The following USH2A variants were observed in gnomAD, a reference collection of about 807,000 sequenced individuals.
USH2A encodes the protein Usher syndrome 2A (autosomal recessive, mild).
A neutral mutation model predicts 538.9 loss-of-function variants in USH2A; 443 were observed. That is an observed-to-expected ratio of 0.82 (90% CI 0.76 to 0.89). The LOEUF is 0.89. USH2A is among the 40% of genes least tolerant of loss of function. The pLI is 0.00. For missense variants in USH2A, 6,633 were observed against 6,324.8 expected, an observed-to-expected ratio of 1.05 and a Z score of -1.65; for synonymous variants, 2,413 against 2,273.5, an observed-to-expected ratio of 1.06 and a Z score of -1.75.
intron 21 of USH2A, among the ~76,000 whole-genome samples, chr1:216,132,282 C>T (rs1050407037): frequency 1.3e-5 from 2 of 151,964 alleles, no homozygotes; most frequent in African/African-American, 4.8e-5. Flanking sequence ...CTTTTGCTTG[C>T]CTATACTTAT....
chr1:215,862,599 G>A (rs1664349587), intron 44 of USH2A, among the ~76,000 whole-genome samples: 1 of 152,114 alleles, frequency 6.6e-6, no homozygotes, highest in Non-Finnish European at 1.5e-5. Flanking sequence ...GAATAGTCTT[G>A]CAAAATCAAC....
rs189123408 is a variant in USH2A at position 216,259,196 on chromosome 1, G to C, written c.1972-8098C>G. ...AGAATTTGGATGGAGATTAGCAGAG[G>C]TGAAATGCACACTGCGATGTTTAGA... On this transcript the variant is annotated intron_variant, in intron 11 of 71. Transcript: ENST00000307340. 4.9e-4 allele frequency among the ~76,000 whole-genome samples: 75 copies of C among 152,190 alleles called. 1 individual carries two copies. The highest frequency in any genetic ancestry group is 1.6e-3 in the Admixed American group (24 of 15,270).
intron 21 of USH2A, among the ~76,000 whole-genome samples, chr1:216,159,524 C>G (rs937988451): frequency 3.8e-5 from 5 of 133,328 alleles, no homozygotes; most frequent in Middle Eastern, 3.8e-3. Context: ...CATGATATAA[C>G]ATTTTATTTA....
At chr1:215,686,373 A>G (rs762906322) in intron 61 of USH2A, among the ~76,000 whole-genome samples, 5 of 152,074 alleles carry the variant, frequency 3.3e-5, no homozygotes, top group Admixed American at 6.6e-5. Context: ...CAGGTCAGGA[A>G]AGATGTAGAA....
intron 4 of USH2A, among the ~76,000 whole-genome samples, chr1:216,360,505 G>A (rs2038471592): frequency 1.3e-5 from 2 of 152,004 alleles, no homozygotes; most frequent in African/African-American, 4.8e-5. Flanking sequence ...AACACCAAGA[G>A]TGAACTTTAA....
chr1:215,982,383 T>C lies in USH2A; in HGVS notation c.6805+10637A>G, dbSNP rs75808022. ...TTTACTTGCTATAGGAAGCTCACCT[T>C]AGACTATCTCCTCCAATTCTGACCT... On this transcript the variant is annotated intron_variant, in intron 35 of 71. Coordinates refer to ENST00000307340, the MANE Select transcript of USH2A (RefSeq NM_206933.4). 7.7e-4 allele frequency among the ~76,000 whole-genome samples: 117 copies of C among 152,342 alleles called. 1 individual carries two copies. The East Asian group carries it at 0.022, about 29-fold the overall frequency.
At chr1:216,196,141 T>C (rs1050885284) in intron 19 of USH2A, among the ~76,000 whole-genome samples, 2 of 152,164 alleles carry the variant, frequency 1.3e-5, no homozygotes, top group Admixed American at 6.5e-5. Context: ...ATATGAAATG[T>C]ACATATAAGA....
chr1:215,890,007 T>C (rs1665168769), intron 40 of USH2A, among the ~76,000 whole-genome samples: 1 of 152,168 alleles, frequency 6.6e-6, no homozygotes, highest in East Asian at 1.9e-4. Flanking sequence ...AGGTGCTTTT[T>C]ATTATATTGA....
At chr1:215,896,723 T>A (rs1211476427) in intron 40 of USH2A, among the ~76,000 whole-genome samples, 1 of 152,140 alleles carries the variant, frequency 6.6e-6, no homozygotes, top group Non-Finnish European at 1.5e-5. Flanking sequence ...ATATCAACAT[T>A]TTCAGCTGCT....
intron 46 of USH2A, among the ~76,000 whole-genome samples, chr1:215,838,371 T>TAATG (rs1663587708): frequency 6.6e-6 from 1 of 152,180 alleles, no homozygotes; most frequent in South Asian, 2.1e-4. Context: ...AAGAGAAAGA[T>TAATG]ACATTAATCT....
intron 48 of USH2A, among the ~76,000 whole-genome samples, chr1:215,816,623 T>C (rs1207955656): frequency 6.6e-6 from 1 of 152,068 alleles, no homozygotes; most frequent in African/African-American, 2.4e-5. Flanking sequence ...ATGACTATAA[T>C]GCTAAAATAT....
At chr1:216,333,119 C>T (rs2037901719) in intron 4 of USH2A, among the ~76,000 whole-genome samples, 1 of 151,830 alleles carries the variant, frequency 6.6e-6, no homozygotes, top group African/African-American at 2.4e-5. Flanking sequence ...GACAATGATG[C>T]TTTAGACAAT....
At position 216,190,099 on chromosome 1, in the gene USH2A, G is replaced by A. The variant is rs2034684696; in HGVS notation, c.4396+124C>T. The A allele has an allele frequency of 3.7e-6, 5 of 1,359,076 alleles. No homozygotes were observed. The South Asian group carries it at 3.7e-5, about 10-fold the overall frequency. 84.2% of individuals were successfully genotyped at this position (1,359,076 alleles called of 1,614,324 possible). ...TTGTTTAAAACTGTTGAGGTAAGAA[G>A]CAATCAGAGTTAGTGAGGGAGGAGA... is the stretch of plus-strand genomic sequence containing the variant. On this transcript the variant is annotated intron_variant, in intron 20 of 71. Coordinates refer to ENST00000307340, the MANE Select transcript of USH2A (RefSeq NM_206933.4).
At chr1:215,934,376 T>TAC (rs960192542) in intron 38 of USH2A, among the ~76,000 whole-genome samples, 7 of 151,824 alleles carry the variant, frequency 4.6e-5, no homozygotes, top group African/African-American at 1.7e-4. Context: ...GTATGGTATA[T>TAC]ACACACACAT....
intron 61 of USH2A, among the ~76,000 whole-genome samples, chr1:215,704,777 T>A (rs185983810): frequency 6.6e-6 from 1 of 152,182 alleles, no homozygotes; most frequent in South Asian, 2.1e-4. Flanking sequence ...TCCTTGAAAA[T>A]ACAAATTTAA....
chr1:216,206,768 C>T (rs1009124376), intron 16 of USH2A, among the ~76,000 whole-genome samples: 1 of 152,168 alleles, frequency 6.6e-6, no homozygotes, highest in African/African-American at 2.4e-5. Flanking sequence ...TTTCCTGAAA[C>T]ATTGTTGAAC....
chr1:216,215,751 A>T (rs898083146), intron 15 of USH2A, among the ~76,000 whole-genome samples: 3 of 152,142 alleles, frequency 2.0e-5, no homozygotes, highest in Non-Finnish European at 4.4e-5. Context: ...GAGATAAAAA[A>T]CCAAAAGGAA....
chr1:215,883,537 A>G (rs910233573), intron 41 of USH2A, among the ~76,000 whole-genome samples: 1 of 151,798 alleles, frequency 6.6e-6, no homozygotes, highest in African/African-American at 2.4e-5. Context: ...CTTTTTTAAC[A>G]TTAACATTTT....
chr1:216,374,027 C>T (rs1393492042), intron 3 of USH2A, among the ~76,000 whole-genome samples: 2 of 145,580 alleles, frequency 1.4e-5, no homozygotes, highest in Admixed American at 7.3e-5. Context: ...ACTGCATGTT[C>T]TCACTCATAG....
Sources: allele counts gnomAD v4.1 joint callset (sites outside exome capture counted in the v4.1 genomes callset), GRCh38; gene constraint gnomAD v4.1.1; transcripts MANE v1.5; gene names NCBI Gene and HGNC (gene_info 2026-07-23, HGNC 2026-07-21).